ZNHIT6: variants seen among roughly 807,000 people sequenced by gnomAD.
The protein encoded by ZNHIT6 is box C/D snoRNA protein 1.
In ZNHIT6, 45 loss-of-function variants were observed where a neutral mutation model predicts 57.2. The observed-to-expected ratio is 0.79, with a 90% CI of 0.62 to 1.01. ZNHIT6 has a LOEUF of 1.01. Among genes scored for constraint, ZNHIT6 ranks in the 50% least tolerant of loss-of-function variants. The pLI, the probability that ZNHIT6 is intolerant of heterozygous loss-of-function variation, is 0.00. For missense variants in ZNHIT6, 528 were observed against 567.3 expected, an observed-to-expected ratio of 0.93 and a Z score of 0.70; for synonymous variants, 188 against 190.0, an observed-to-expected ratio of 0.99 and a Z score of 0.09.
chr1:85,693,374 T>A (rs901451713), intron 5 of ZNHIT6, among the ~76,000 whole-genome samples: 2 of 151,946 alleles, frequency 1.3e-5, no homozygotes, highest in African/African-American at 2.4e-5. Flanking sequence ...GTCTAAAAGA[T>A]GAGAAAGATT....
chr1:85,707,482 AC>A, intron 1 of ZNHIT6, 146 bp downstream of exon 1: 1 of 775,790 alleles, frequency 1.3e-6, no homozygotes, highest in Non-Finnish European at 2.0e-6. Context: ...TTCCCAACCC[AC>A]CCCCGCGAAC....
intron 5 of ZNHIT6, among the ~76,000 whole-genome samples, chr1:85,685,153 A>G (rs1661992298): frequency 6.6e-6 from 1 of 152,162 alleles, no homozygotes; most frequent in South Asian, 2.1e-4. Context: ...TAATTGAAAA[A>G]CTGTATATTT....
chr1:85,687,911 C>T (rs6699497), intron 5 of ZNHIT6, among the ~76,000 whole-genome samples: 60,733 of 151,742 alleles, frequency 0.4, 13,404 homozygotes, highest in South Asian at 0.57. Flanking sequence ...GGTATGGTGG[C>T]GTGCGCCTGT....
At chr1:85,686,152 G>A (rs988377906) in intron 5 of ZNHIT6, among the ~76,000 whole-genome samples, 7 of 151,306 alleles carry the variant, frequency 4.6e-5, no homozygotes, top group African/African-American at 1.5e-4. Context: ...TAGTAGAGAC[G>A]GGGTTTCACT....
intron 5 of ZNHIT6, among the ~76,000 whole-genome samples, chr1:85,692,047 T>C (rs1352712283): frequency 6.6e-6 from 1 of 152,076 alleles, no homozygotes; most frequent in African/African-American, 2.4e-5. Context: ...CGCGCACCTA[T>C]AATCCCAGCT....
At chr1:85,685,617 G>A (rs762545527) in intron 5 of ZNHIT6, among the ~76,000 whole-genome samples, 21 of 151,848 alleles carry the variant, frequency 1.4e-4, no homozygotes, top group Non-Finnish European at 2.1e-4. Context: ...TCACTCTGTC[G>A]CCTGGGCTGG....
intron 8 of ZNHIT6, among the ~76,000 whole-genome samples, chr1:85,676,294 C>T (rs536582375): frequency 6.6e-6 from 1 of 150,758 alleles, no homozygotes; most frequent in Non-Finnish European, 1.5e-5. Context: ...CGAGATCACG[C>T]CATTGCACTC....
intron 8 of ZNHIT6, among the ~76,000 whole-genome samples, chr1:85,669,277 G>C (rs1332082433): frequency 2.6e-5 from 4 of 152,024 alleles, no homozygotes; most frequent in African/African-American, 9.7e-5. Context: ...CTTTACACAG[G>C]TAAAATCAAT....
intron 8 of ZNHIT6, among the ~76,000 whole-genome samples, chr1:85,666,783 C>T (rs1299176506): frequency 6.6e-6 from 1 of 152,106 alleles, no homozygotes; most frequent in Non-Finnish European, 1.5e-5. Flanking sequence ...TGACATATTC[C>T]CTTTCTGTGT....
intron 5 of ZNHIT6, among the ~76,000 whole-genome samples, chr1:85,689,423 A>AAT (rs1662152151): frequency 6.6e-6 from 1 of 152,302 alleles, no homozygotes; most frequent in South Asian, 2.1e-4. Flanking sequence ...CTGTTTAATT[A>AAT]TTTGGTATAG....
chr1:85,658,594 G>A (rs921911652), intron 8 of ZNHIT6, among the ~76,000 whole-genome samples: 6 of 152,012 alleles, frequency 3.9e-5, no homozygotes, highest in Admixed American at 2.6e-4. Flanking sequence ...TATGTTGGCC[G>A]GGCACGGTGG....
At chr1:85,699,142 G>T (rs1662459355) in intron 5 of ZNHIT6, among the ~76,000 whole-genome samples, 1 of 152,032 alleles carries the variant, frequency 6.6e-6, no homozygotes, top group East Asian at 1.9e-4. Flanking sequence ...TAGTCTCTTA[G>T]AATACTGGGG....
chr1:85,679,039 T>G (rs1661787273), intron 6 of ZNHIT6, among the ~76,000 whole-genome samples: 1 of 152,074 alleles, frequency 6.6e-6, no homozygotes, highest in African/African-American at 2.4e-5. Context: ...ATTATAAAAA[T>G]ATGAAGCCTC....
chr1:85,650,041 T>C lies in ZNHIT6; in HGVS notation c.*4017A>G, dbSNP rs986810112. On this transcript the variant is annotated 3_prime_UTR_variant, in exon 10 of 10. Transcript: ENST00000370574. ...AAACAGGGTGCAATGAATGTGTTACTTTCGTATTCCCAGTAACTACCTTTC... is the reference window on the plus strand; with the variant it reads ...AAACAGGGTGCAATGAATGTGTTACCTTCGTATTCCCAGTAACTACCTTTC... The C allele has an allele frequency of 2.0e-5, 3 of 152,248 alleles. No homozygotes were observed. The highest frequency in any genetic ancestry group is 7.2e-5 in the African/African-American group (3 of 41,470). 9.4% of individuals were successfully genotyped at this position (152,248 alleles called of 1,614,324 possible).
chr1:85,660,996 C>T (rs545011856), intron 8 of ZNHIT6, among the ~76,000 whole-genome samples: 1 of 152,266 alleles, frequency 6.6e-6, no homozygotes, highest in South Asian at 2.1e-4. Context: ...AGCTTTCCAA[C>T]CTGTTAAATG....
rs1383675618 is a variant in ZNHIT6 at position 85,708,161 on chromosome 1, A to G, written c.124T>C (p.Phe42Leu). ...GVRDLAGAEE[F>L]GGGEEGTGLT... ...CCTGTCCCCTCCTCTCCGCCGCCGA[A>G]CTCCTCCGCCCCTGCTAAGTCCCTT... Residue 42 changes from phenylalanine to leucine, a missense_variant, in exon 1 of 10, where the codon TTC (phenylalanine) becomes CTC (leucine). Phe to Leu is a conservative substitution (Grantham distance 22, BLOSUM62 0). Transcript: ENST00000370574. 6.2e-7 allele frequency: 1 copy of G among 1,613,624 alleles called. No individual in the cohort carries two copies. Among genetic ancestry groups the G allele is most frequent in the South Asian group, 1.1e-5 (1 of 91,032 alleles).
At chr1:85,675,402 T>C (rs1480037232) in intron 8 of ZNHIT6, among the ~76,000 whole-genome samples, 1 of 152,222 alleles carries the variant, frequency 6.6e-6, no homozygotes, top group African/African-American at 2.4e-5. Flanking sequence ...AGCAGCAATG[T>C]TTTGAAAACA....
chr1:85,706,425 G>T lies in ZNHIT6; in HGVS notation c.722+17C>A. ...AGGTACAGATACAGGTTAAAAGGTAGGAAGTTACATGTATACCTGCAGGAA... is the reference window on the plus strand; with the variant it reads ...AGGTACAGATACAGGTTAAAAGGTATGAAGTTACATGTATACCTGCAGGAA... On this transcript the variant is annotated intron_variant, in intron 2 of 9. Transcript: ENST00000370574. The T allele has an allele frequency of 1.9e-6, 3 of 1,613,222 alleles. No homozygotes were observed. The highest frequency in any genetic ancestry group is 2.5e-6 in the Non-Finnish European group (3 of 1,179,716).
intron 5 of ZNHIT6, among the ~76,000 whole-genome samples, chr1:85,699,888 T>C (rs1236549184): frequency 1.3e-5 from 2 of 152,148 alleles, no homozygotes; most frequent in Admixed American, 6.5e-5. Flanking sequence ...TTAAAAAGAA[T>C]GAGGCAGATT....
Sources: allele counts gnomAD v4.1 joint callset (sites outside exome capture counted in the v4.1 genomes callset), GRCh38; gene constraint gnomAD v4.1.1; transcripts MANE v1.5; gene names NCBI Gene and HGNC (gene_info 2026-07-23, HGNC 2026-07-21).